Variants in SYNPO observed in about 807,000 individuals in gnomAD.
The protein encoded by SYNPO is synaptopodin.
SYNPO carries 19 observed loss-of-function variants against 49.5 expected under a neutral mutation model. That is an observed-to-expected ratio of 0.38 (90% CI 0.27 to 0.56). The LOEUF is 0.56. Among genes scored for constraint, SYNPO ranks in the 20% least tolerant of loss-of-function variants. The pLI, the probability that SYNPO is intolerant of heterozygous loss-of-function variation, is 0.68. For missense variants in SYNPO, 1,131 were observed against 1,248.3 expected, an observed-to-expected ratio of 0.91 and a Z score of 1.42; for synonymous variants, 536 against 548.0, an observed-to-expected ratio of 0.98 and a Z score of 0.31.
chr5:150,629,381 C>G (rs553276213), intron 2 of SYNPO, among the ~76,000 whole-genome samples: 1 of 152,262 alleles, frequency 6.6e-6, no homozygotes, highest in East Asian at 1.9e-4. Context: ...ATGCTCGAAC[C>G]TCCGCTCTTA....
chr5:150,595,354 T>C, the SYNPO span, among the ~76,000 whole-genome samples: 1 of 152,264 alleles, frequency 6.6e-6, no homozygotes, highest in South Asian at 2.1e-4. Flanking sequence ...GAAACCATCT[T>C]GTTCCTCCAC....
At chr5:150,636,031 T>C (rs1186212046), upstream of SYNPO, among the ~76,000 whole-genome samples, 2 of 152,220 alleles carry the variant, frequency 1.3e-5, no homozygotes, top group Non-Finnish European at 2.9e-5. Context: ...GCTTTATTTT[T>C]TTATAGCATT....
At chr5:150,609,446 C>A (rs1374077685) in intron 1 of SYNPO, among the ~76,000 whole-genome samples, 2 of 152,130 alleles carry the variant, frequency 1.3e-5, no homozygotes, top group East Asian at 3.8e-4. Flanking sequence ...AGGCATGCAC[C>A]ACCACGCCCA....
intron 1 of SYNPO, among the ~76,000 whole-genome samples, chr5:150,643,164 TG>T: frequency 6.6e-6 from 1 of 152,192 alleles, no homozygotes; most frequent in Middle Eastern, 3.4e-3. Flanking sequence ...CCTTGCAAGG[TG>T]GGAACCGGCC....
chr5:150,596,466 G>C (rs1756426226), upstream of SYNPO, among the ~76,000 whole-genome samples: 1 of 152,128 alleles, frequency 6.6e-6, no homozygotes. Flanking sequence ...AGGCCTCCTA[G>C]GTACTTGGCG....
At chr5:150,603,554 C>G (rs1483143845) in intron 1 of SYNPO, among the ~76,000 whole-genome samples, 2 of 152,274 alleles carry the variant, frequency 1.3e-5, no homozygotes, top group African/African-American at 4.8e-5. Flanking sequence ...TCATCACCAG[C>G]TCTTTAGGGT....
At chr5:150,593,821 A>T in the SYNPO span, among the ~76,000 whole-genome samples, 1 of 152,214 alleles carries the variant, frequency 6.6e-6, no homozygotes, top group Non-Finnish European at 1.5e-5. Flanking sequence ...TGCTGGCTGG[A>T]ACTGTGATAA....
chr5:150,655,619 G>A (rs1231422379), intron 2 of SYNPO, among the ~76,000 whole-genome samples: 2 of 152,178 alleles, frequency 1.3e-5, no homozygotes, highest in Non-Finnish European at 2.9e-5. Flanking sequence ...TTCCTAACAG[G>A]TGACCATTTT....
intron 1 of SYNPO, among the ~76,000 whole-genome samples, chr5:150,601,418 T>A (rs1756537588): frequency 6.6e-6 from 1 of 151,908 alleles, no homozygotes; most frequent in South Asian, 2.1e-4. Flanking sequence ...CCGCCAAGCC[T>A]GGGGCTTGGG....
chr5:150,589,846 C>T, the SYNPO span, among the ~76,000 whole-genome samples: 4 of 152,234 alleles, frequency 2.6e-5, no homozygotes, highest in Non-Finnish European at 5.9e-5. Context: ...CAGCTCTGTG[C>T]TCTCTGTAGT....
chr5:150,595,857 C>T, the SYNPO span, among the ~76,000 whole-genome samples: 1 of 151,248 alleles, frequency 6.6e-6, no homozygotes, highest in African/African-American at 2.4e-5. Flanking sequence ...CCCCCACCCC[C>T]CCAGCTGGCT....
At chr5:150,598,429 G>C (rs772798131), upstream of SYNPO, among the ~76,000 whole-genome samples, 1 of 152,194 alleles carries the variant, frequency 6.6e-6, no homozygotes, top group Non-Finnish European at 1.5e-5. Flanking sequence ...TTAAATACCC[G>C]CACTGCCACG....
intron 1 of SYNPO, among the ~76,000 whole-genome samples, chr5:150,601,611 G>A (rs552159780): frequency 6.6e-6 from 1 of 152,210 alleles, no homozygotes. Flanking sequence ...GAGCCTGTCT[G>A]CAGGTCGGTG....
chr5:150,613,738 T>C (rs1031411214), intron 1 of SYNPO, among the ~76,000 whole-genome samples: 4 of 152,194 alleles, frequency 2.6e-5, no homozygotes, highest in Non-Finnish European at 5.9e-5. Context: ...TGCTTCTCCC[T>C]TCTCCGCCCT....
chr5:150,642,422 G>A (rs1030438403), intron 1 of SYNPO, among the ~76,000 whole-genome samples: 7 of 152,184 alleles, frequency 4.6e-5, no homozygotes, highest in African/African-American at 7.2e-5. Context: ...GTGGGGAGGC[G>A]GTGGGGACAT....
rs182444970 is a variant in SYNPO, at chr5:150,647,050, C to T, written c.-332-894C>T. 3.4e-3 allele frequency among the ~76,000 whole-genome samples: 516 copies of T among 152,192 alleles called. 3 individuals are homozygous for T. Among genetic ancestry groups the T allele is most frequent in the Non-Finnish European group, 3.1e-3 (213 of 68,010 alleles). On this transcript the variant is annotated intron_variant, in intron 1 of 2. Coordinates refer to ENST00000307662, the MANE Select transcript of SYNPO (RefSeq NM_007286.6). Reference sequence around the variant, plus strand: ...CTGAGGTCAGGAGTTCGAGACCAGCCTGGCCTACATGGTGAAACCCCATCT... The same window carrying T: ...CTGAGGTCAGGAGTTCGAGACCAGCTTGGCCTACATGGTGAAACCCCATCT...
the SYNPO span, among the ~76,000 whole-genome samples, chr5:150,593,073 T>C: frequency 4.8e-4 from 73 of 152,370 alleles, no homozygotes; most frequent in East Asian, 0.01. Context: ...CCTTCAGAGC[T>C]GTATTGGTAG....
intron 2 of SYNPO, among the ~76,000 whole-genome samples, chr5:150,622,770 G>A (rs1300304524): frequency 6.6e-6 from 1 of 152,202 alleles, no homozygotes; most frequent in Non-Finnish European, 1.5e-5. Flanking sequence ...GCAGGAAGCT[G>A]CCTACTCCCC....
Position 150,618,228 on chromosome 5 carries a change from G to C in SYNPO, c.-140G>C, listed in dbSNP as rs1334991493. ...GACCTCACCCCAATTCTGTGAATCA[G>C]CGGAGGAAGGCAAAAGTGCAGAGAG... On this transcript the variant is annotated 5_prime_UTR_variant, in exon 2 of 3. Coordinates refer to the SYNPO transcript ENST00000394243. 4 of 1,063,878 alleles carry C rather than the reference G, an allele frequency of 3.8e-6. No individual in the cohort carries two copies. In the East Asian group the frequency reaches 8.0e-5, roughly 21 times the overall value. The allele number at this position is 1,063,878 out of a possible 1,614,324, so 65.9% of individuals were successfully genotyped here.
Sources: gnomAD v4.1 joint callset for allele counts (sites outside exome capture counted in the v4.1 genomes callset) on GRCh38, gnomAD v4.1.1 for gene constraint, MANE v1.5 for transcripts, NCBI Gene and HGNC (gene_info 2026-07-23, HGNC 2026-07-21) for gene names.